The following PPP2R2C variants were observed in gnomAD, a reference collection of about 807,000 sequenced individuals.
PPP2R2C encodes the protein protein phosphatase 2, regulatory subunit B, gamma.
A neutral mutation model predicts 45.3 loss-of-function variants in PPP2R2C; 10 were observed. The observed-to-expected ratio is 0.22, with a 90% CI of 0.14 to 0.37. The LOEUF (loss-of-function observed/expected upper bound fraction) is 0.37. Among genes scored for constraint, PPP2R2C ranks in the 10% least tolerant of loss-of-function variants. The pLI, the probability that PPP2R2C is intolerant of heterozygous loss-of-function variation, is 1.00. For missense variants in PPP2R2C, 308 were observed against 619.7 expected (o/e 0.50, Z 5.34); for synonymous variants, 257 against 245.4 (o/e 1.05, Z -0.44).
In PPP2R2C at chr4:6,514,960, G is replaced by A. The variant is rs575954033; in HGVS notation, c.49+20311C>T. On this transcript the variant is annotated intron_variant, in intron 2 of 9. Coordinates refer to the PPP2R2C transcript ENST00000506140. ...TCACCATGTGGCCTTCTCCTGGTATGACTGTGTCTCTTCTAAGGATGCCAG... is the reference window on the plus strand; with the variant it reads ...TCACCATGTGGCCTTCTCCTGGTATAACTGTGTCTCTTCTAAGGATGCCAG... 5.3e-5 allele frequency among the ~76,000 whole-genome samples: 8 copies of A among 152,034 alleles called. No individual in the cohort carries two copies. In the South Asian group the frequency reaches 1.7e-3, roughly 32 times the overall value.
intron 1 of PPP2R2C, among the ~76,000 whole-genome samples, chr4:6,450,793 G>A (rs1205612755): frequency 6.6e-6 from 1 of 152,154 alleles, no homozygotes; most frequent in African/African-American, 2.4e-5. Flanking sequence ...TCCATACCTG[G>A]GTAGGGGGTG....
At chr4:6,419,706 T>C (rs1234589010) in intron 1 of PPP2R2C, among the ~76,000 whole-genome samples, 1 of 152,186 alleles carries the variant, frequency 6.6e-6, no homozygotes, top group South Asian at 2.1e-4. Context: ...TATCCTCTCC[T>C]AGTTCTGGAG....
At chr4:6,498,367 G>A (rs1418526576) in intron 2 of PPP2R2C, among the ~76,000 whole-genome samples, 8 of 152,244 alleles carry the variant, frequency 5.3e-5, no homozygotes, top group Admixed American at 4.6e-4. Flanking sequence ...TGGGCAGGGA[G>A]AAACTCAGAG....
At chr4:6,512,218 GTGT>G (rs1481004641) in intron 2 of PPP2R2C, among the ~76,000 whole-genome samples, 7 of 58,040 alleles carry the variant, frequency 1.2e-4, no homozygotes, top group African/African-American at 2.7e-4. Flanking sequence ...GGTGATGGTG[GTGT>G]TGGTGGTGGT....
intron 1 of PPP2R2C, among the ~76,000 whole-genome samples, chr4:6,387,548 C>T (rs1716298099): frequency 6.6e-6 from 1 of 152,162 alleles, no homozygotes. Context: ...CAGTGGCTCA[C>T]ACCTGTAATC....
rs143534090 is a variant in PPP2R2C at position 6,518,182 on chromosome 4, A to G, written c.49+17089T>C. The stretch of plus-strand genomic sequence containing the variant: ...GCTTAGAGGGAAATTTATAACATTG[A>G]ATGTACATATTAGAAAAGAAGAAAG... On this transcript the variant is annotated intron_variant, in intron 2 of 9. Coordinates refer to the PPP2R2C transcript ENST00000506140. Among the ~76,000 whole-genome samples, 43 of 152,350 alleles carry G rather than the reference A, an allele frequency of 2.8e-4. 1 individual carries two copies. In the East Asian group the frequency reaches 8.1e-3, roughly 29 times the overall value.
At chr4:6,531,102 C>T (rs545107500) in intron 2 of PPP2R2C, among the ~76,000 whole-genome samples, 1 of 152,302 alleles carries the variant, frequency 6.6e-6, no homozygotes, top group African/African-American at 2.4e-5. Flanking sequence ...TGCCTGGTGG[C>T]ACCAAAGGCA....
At position 6,512,368 on chromosome 4, in the gene PPP2R2C, GTGGTGGTGGTGGTGGTGGTGA is replaced by G. The variant is rs1454927002; in HGVS notation, c.49+22882_49+22902del. 1.8e-3 allele frequency among the ~76,000 whole-genome samples: 203 copies of G among 113,730 alleles called. 3 individuals are homozygous for G. The highest frequency in any genetic ancestry group is 3.0e-3 in the Non-Finnish European group (157 of 52,230). 74.6% of individuals were successfully genotyped at this position (113,730 alleles called of 152,430 possible). A position where few individuals can be genotyped will look rare whatever the true frequency, so the allele number is the denominator to read the frequency against. ...GGTGGTGATGGTGCTGATGGTGGTGGTGGTGGTGGTGGTGGTGGTGATGGTGGTGGTGGTGATGGTGGTGGT... is the reference window on the plus strand; with the variant it reads ...GGTGGTGATGGTGCTGATGGTGGTGGTGGTGGTGGTGGTGATGGTGGTGGT... On this transcript the variant is annotated intron_variant, in intron 2 of 9. Coordinates refer to the PPP2R2C transcript ENST00000506140.
intron 6 of PPP2R2C, among the ~76,000 whole-genome samples, chr4:6,338,194 G>A (rs1404096290): frequency 6.6e-6 from 1 of 152,126 alleles, no homozygotes; most frequent in Non-Finnish European, 1.5e-5. Flanking sequence ...CACTTGTGAT[G>A]GGCCCAGTCC....
At chr4:6,503,334 G>T (rs1358984868) in intron 2 of PPP2R2C, among the ~76,000 whole-genome samples, 1 of 152,116 alleles carries the variant, frequency 6.6e-6, no homozygotes, top group East Asian at 1.9e-4. Context: ...CCACCACCCT[G>T]GAGTCCCTTG....
intron 2 of PPP2R2C, among the ~76,000 whole-genome samples, chr4:6,492,842 G>C (rs899024104): frequency 3.3e-5 from 5 of 152,168 alleles, no homozygotes; most frequent in Admixed American, 6.5e-5. Context: ...GCCTTTGGCA[G>C]GAGGGAGGCC....
Position 6,472,336 on chromosome 4 carries a change from C to T in PPP2R2C, c.-107G>A, listed in dbSNP as rs1721946628. ...CCATGCCGCCGCAGCCTAGCAGGGG[C>T]GCGGGCCGCCGGGGCCCCGAAGGGA... On this transcript the variant is annotated 5_prime_UTR_variant, in exon 1 of 9. Transcript: ENST00000382599. 3.8e-6 allele frequency: 5 copies of T among 1,325,180 alleles called. 1 individual carries two copies. In the Admixed American group the frequency reaches 1.6e-4, roughly 44 times the overall value. The allele number at this position is 1,325,180 out of a possible 1,614,324, so 82.1% of individuals were successfully genotyped here.
chr4:6,411,653 C>T (rs1227834572), intron 1 of PPP2R2C, among the ~76,000 whole-genome samples: 10 of 151,608 alleles, frequency 6.6e-5, no homozygotes, highest in African/African-American at 1.7e-4. Flanking sequence ...CCTGGGCTCA[C>T]GCCATTCTCC....
intron 2 of PPP2R2C, among the ~76,000 whole-genome samples, chr4:6,497,826 T>C (rs1246625664): frequency 6.6e-6 from 1 of 152,172 alleles, no homozygotes; most frequent in Non-Finnish European, 1.5e-5. Flanking sequence ...TTTGCACAAA[T>C]CAGGGAACAG....
intron 1 of PPP2R2C, among the ~76,000 whole-genome samples, chr4:6,407,773 A>G (rs56217739): frequency 0.28 from 42,213 of 152,028 alleles, 6,365 homozygotes; most frequent in East Asian, 0.68. Flanking sequence ...TTCAAAAGTG[A>G]GGAAAATGGA....
intron 1 of PPP2R2C, chr4:6,382,990 C>A: frequency 9.3e-7 from 1 of 1,080,654 alleles, no homozygotes; most frequent in Non-Finnish European, 1.1e-6. Context: ...GCATCTGGAG[C>A]CAAACCTTCA....
At chr4:6,373,727 G>A (rs918979505) in intron 4 of PPP2R2C, among the ~76,000 whole-genome samples, 18 of 152,220 alleles carry the variant, frequency 1.2e-4, no homozygotes, top group Admixed American at 4.6e-4. Context: ...GACAAGCACT[G>A]AGCTCCTTTG....
rs1032484173 is a variant in PPP2R2C, at chr4:6,368,322, G to C, written c.625+4201C>G. Reference sequence around the variant, plus strand: ...GAAATGTACACGGCTGCGCTGGCTGGGCCACCGACTCCCTGTAGCACCCAC... The same window carrying C: ...GAAATGTACACGGCTGCGCTGGCTGCGCCACCGACTCCCTGTAGCACCCAC... On this transcript the variant is annotated intron_variant, in intron 5 of 8. Coordinates refer to ENST00000382599, the MANE Select transcript of PPP2R2C (RefSeq NM_020416.4). This position sits in a 1 kb window ranked among gnomAD's most constrained non-coding sequence, Gnocchi z 4.2. Among the ~76,000 whole-genome samples, 1 of 152,112 alleles carries C rather than the reference G, an allele frequency of 6.6e-6. No homozygotes were observed. The highest frequency in any genetic ancestry group is 1.9e-4 in the East Asian group (1 of 5,190).
chr4:6,372,397 C>T (rs1560490915), intron 5 of PPP2R2C, 126 bp downstream of exon 5: 1 of 990,004 alleles, frequency 1.0e-6, no homozygotes, highest in East Asian at 2.6e-5. Flanking sequence ...CCAGAGGTGC[C>T]TCACTGAAGA....
Sources: gnomAD v4.1 joint callset for allele counts (sites outside exome capture counted in the v4.1 genomes callset) on GRCh38, gnomAD v4.1.1 for gene constraint, Gnocchi (gnomAD v3.1) non-coding constraint, MANE v1.5 for transcripts, NCBI Gene and HGNC (gene_info 2026-07-23, HGNC 2026-07-21) for gene names.